The following CORO1B variants were observed in gnomAD, a reference collection of about 807,000 sequenced individuals.
CORO1B encodes the protein coronin 1B, also known as coronin-1B.
CORO1B carries 30 observed loss-of-function variants against 51.1 expected under a neutral mutation model. That is an observed-to-expected ratio of 0.59 (90% CI 0.44 to 0.80). The LOEUF (loss-of-function observed/expected upper bound fraction) is 0.80, where lower values mean the gene tolerates loss of function less well. CORO1B is among the 30% of genes least tolerant of loss of function. CORO1B has a pLI of 0.00. For missense variants in CORO1B, 648 were observed against 700.4 expected (o/e 0.93, Z 0.84); for synonymous variants, 310 against 289.7 (o/e 1.07, Z -0.71).
At position 67,442,541 on chromosome 11, in the gene CORO1B, G is replaced by T. The variant is rs547002578; in HGVS notation, c.88C>A (p.Arg30Ser). ...VKNDQCYEDI[R>S]VSRVTWDSTF... ...CTGTCCCAGGTAACACGGGACACGC[G>T]AATGTCCTCATAGCACTGGTCGTTC... Residue 30 changes from arginine to serine, a missense_variant, in exon 2 of 11, where the codon CGC becomes AGC. Arg to Ser is a moderately radical substitution (Grantham distance 110). Coordinates refer to ENST00000341356, the MANE Select transcript of CORO1B (RefSeq NM_020441.3). The T allele has an allele frequency of 6.2e-6, 10 of 1,613,786 alleles. No individual in the cohort carries two copies. The highest frequency in any genetic ancestry group is 8.5e-6 in the Non-Finnish European group (10 of 1,180,014).
Position 67,435,961 on chromosome 11 carries a change from C to G in CORO1B, c.*2415G>C. The G allele has an allele frequency of 6.2e-7, 1 of 1,613,644 alleles. No homozygotes were observed. The highest frequency in any genetic ancestry group is 8.5e-7 in the Non-Finnish European group (1 of 1,179,900). On this transcript the variant is annotated 3_prime_UTR_variant, in exon 11 of 11. Coordinates refer to ENST00000341356, the MANE Select transcript of CORO1B (RefSeq NM_020441.3). ...GGCTGGACGCCTCTCCACATTGCTG[C>G]TCGCCTTCCCCAGGGTCAGCCTGCA...
Position 67,436,026 on chromosome 11 carries a change from C to T in CORO1B, c.*2350G>A. 3.7e-6 allele frequency: 6 copies of T among 1,613,724 alleles called. No homozygotes were observed. Among genetic ancestry groups the T allele is most frequent in the South Asian group, 2.2e-5 (2 of 91,084 alleles). ...ACGTGGTCATAGTCTGTGTCCTGCT[C>T]ATCCTCCTGTCGCTCAAGGTCATTG... On this transcript the variant is annotated 3_prime_UTR_variant, in exon 11 of 11. Transcript: ENST00000341356.
chr11:67,442,369 A>C, intron 2 of CORO1B, 59 bp downstream of exon 2: 1 of 1,549,048 alleles, frequency 6.5e-7, no homozygotes, highest in Non-Finnish European at 8.9e-7. Context: ...AGGTGTGCAG[A>C]AAGGCCCAGT....
intron 8 of CORO1B, 90 bp downstream of exon 8, chr11:67,440,028 G>C: frequency 2.0e-5 from 31 of 1,522,616 alleles, no homozygotes; most frequent in Non-Finnish European, 2.6e-5. Flanking sequence ...CCTCCCTGGC[G>C]CAAGGTTTCC....
chr11:67,435,856 TGGTCCTG>T lies in CORO1B; in HGVS notation c.*2513_*2519del, dbSNP rs775637846. 6.2e-7 allele frequency: 1 copy of T among 1,610,292 alleles called. No homozygotes were observed. Among genetic ancestry groups the T allele is most frequent in the Non-Finnish European group, 8.5e-7 (1 of 1,179,404 alleles). ...CCTCAGCACTGCCCCCTGCGCTCGC[TGGTCCTG>T]GGGAGCCGAGGACCAGGTCGCCCTC... is the stretch of plus-strand genomic sequence containing the variant. On this transcript the variant is annotated 3_prime_UTR_variant, in exon 11 of 11. Coordinates refer to ENST00000341356, the MANE Select transcript of CORO1B (RefSeq NM_020441.3).
intron 9 of CORO1B, among the ~76,000 whole-genome samples, chr11:67,439,409 G>T (rs1438707598): frequency 2.6e-5 from 4 of 152,228 alleles, no homozygotes; most frequent in African/African-American, 9.7e-5. Flanking sequence ...CAGACTCCTT[G>T]TTCCTCTCTC....
Position 67,437,769 on chromosome 11 carries a change from C to T in CORO1B, c.*607G>A. On this transcript the variant is annotated 3_prime_UTR_variant, in exon 11 of 11. Coordinates refer to ENST00000341356, the MANE Select transcript of CORO1B (RefSeq NM_020441.3). Reference sequence around the variant, plus strand: ...CACCTGCCCCTCCCTGCTGCAGGACCCCTGGTCCACACCAGACCCTCCCCA... The same window carrying T: ...CACCTGCCCCTCCCTGCTGCAGGACTCCTGGTCCACACCAGACCCTCCCCA... 1.3e-6 allele frequency: 1 copy of T among 790,488 alleles called. No individual in the cohort carries two copies. Among genetic ancestry groups the T allele is most frequent in the Non-Finnish European group, 1.8e-6 (1 of 568,774 alleles). 49.0% of individuals were successfully genotyped at this position (790,488 alleles called of 1,614,324 possible). A position where few individuals can be genotyped will look rare whatever the true frequency, so the allele number is the denominator to read the frequency against.
At chr11:67,441,084 G>A in intron 6 of CORO1B, 41 bp downstream of exon 6, 1 of 1,612,536 alleles carries the variant, frequency 6.2e-7, no homozygotes, top group East Asian at 2.2e-5. Flanking sequence ...CCCAGGGTGG[G>A]GCCCAAGTCT....
At position 67,438,692 on chromosome 11, in the gene CORO1B, G is replaced by T; in HGVS notation, c.1323C>A (p.Ser441Arg). The part of the protein sequence containing the change: ...STTTAADATP[S>R]GSLARAGEAG... ...ATACCCCGGCTCTGGCCAGGCTGCC[G>T]CTGGGGGTGGCATCAGCAGCAGTGG... Residue 441 changes from serine to arginine, a missense_variant, in exon 10 of 11, where the codon AGC becomes AGA. Physicochemically the swap from Ser to Arg is moderately radical, Grantham distance 110 (BLOSUM62 -1). Coordinates refer to ENST00000341356, the MANE Select transcript of CORO1B (RefSeq NM_020441.3). 1.3e-6 allele frequency: 2 copies of T among 1,544,682 alleles called. No homozygotes were observed. The highest frequency in any genetic ancestry group is 1.4e-5 in the African/African-American group (1 of 73,574).
At position 67,435,629 on chromosome 11, in the gene CORO1B, G is replaced by T; in HGVS notation, c.*2747C>A. 1 of 1,469,390 alleles carries T rather than the reference G, an allele frequency of 6.8e-7. No individual in the cohort carries two copies. The highest frequency in any genetic ancestry group is 9.0e-7 in the Non-Finnish European group (1 of 1,110,144). The allele number at this position is 1,469,390 out of a possible 1,614,324, so 91.0% of individuals were successfully genotyped here. A position where few individuals can be genotyped will look rare whatever the true frequency, so the allele number is the denominator to read the frequency against. The stretch of plus-strand genomic sequence containing the variant: ...AACTGGTAGGGGGTGACAGTCTGAG[G>T]CATGGTCATGTGGGCTGGGGGTCCA... On this transcript the variant is annotated 3_prime_UTR_variant, in exon 11 of 11. Coordinates refer to ENST00000341356, the MANE Select transcript of CORO1B (RefSeq NM_020441.3).
In CORO1B at chr11:67,435,983, T is replaced by G; in HGVS notation, c.*2393A>C. On this transcript the variant is annotated 3_prime_UTR_variant, in exon 11 of 11. Transcript: ENST00000341356. ...CTGCTCGCCTTCCCCAGGGTCAGCC[T>G]GCAGGCCACCATCCGCGACGTGGTC... 1 of 1,613,760 alleles carries G rather than the reference T, an allele frequency of 6.2e-7. No individual in the cohort carries two copies. The highest frequency in any genetic ancestry group is 8.5e-7 in the Non-Finnish European group (1 of 1,179,932).
At chr11:67,439,764 G>A in intron 9 of CORO1B, 22 bp downstream of exon 9, 4 of 1,574,922 alleles carry the variant, frequency 2.5e-6, no homozygotes, top group Non-Finnish European at 1.7e-6. Flanking sequence ...GGCCAAGTGA[G>A]CCGAGGGACG....
Position 67,441,307 on chromosome 11 carries a change from C to T in CORO1B, c.636+26G>A, listed in dbSNP as rs747922317. On this transcript the variant is annotated intron_variant, in intron 5 of 10. Coordinates refer to ENST00000341356, the MANE Select transcript of CORO1B (RefSeq NM_020441.3). ...TCAAGGTCCTGGGCCTATCCACAGC[C>T]ATCCTTGCCCTCCAGAGCCACGTAC... 6.2e-6 allele frequency: 10 copies of T among 1,613,122 alleles called. No individual in the cohort carries two copies. In the South Asian group the frequency reaches 7.7e-5, roughly 12 times the overall value.
chr11:67,440,521 C>T (rs1864374911), intron 6 of CORO1B, 82 bp from the exon 7 acceptor site: 5 of 1,278,204 alleles, frequency 3.9e-6, no homozygotes, highest in Non-Finnish European at 5.6e-6. Context: ...GCTGGCCTCA[C>T]TAAGGCCAGC....
Position 67,438,651 on chromosome 11 carries a change from C to T in CORO1B, c.1344+20G>A, listed in dbSNP as rs762234711. 6.6e-7 allele frequency: 1 copy of T among 1,522,078 alleles called. No homozygotes were observed. Among genetic ancestry groups the T allele is most frequent in the Non-Finnish European group, 8.8e-7 (1 of 1,134,896 alleles). The allele number at this position is 1,522,078 out of a possible 1,614,324, so 94.3% of individuals were successfully genotyped here. ...CCACACCTGGGGCTCCCAGCACCAC[C>T]CCTGCCTGCGCGTGCATACCCCGGC... On this transcript the variant is annotated intron_variant, in intron 10 of 10. Transcript: ENST00000341356.
At position 67,440,185 on chromosome 11, in the gene CORO1B, C is replaced by G. The variant is rs1435505824; in HGVS notation, c.940G>C (p.Glu314Gln). 1.2e-6 allele frequency: 2 copies of G among 1,613,882 alleles called. No individual in the cohort carries two copies. Among genetic ancestry groups the G allele is most frequent in the Admixed American group, 3.3e-5 (2 of 60,026 alleles). Reference protein sequence around the residue: ...IHFLNTFTSKEPQRGMGSMPK... With the variant: ...IHFLNTFTSKQPQRGMGSMPK... ...ATGCTGCCCATACCCCGCTGCGGCT[C>G]CTTGCTGGTGAACGTGTTCAGGAAG... Residue 314 changes from glutamate (E) to glutamine (Q), a missense_variant, in exon 8 of 11, where the codon GAG becomes CAG. Transcript: ENST00000341356.
chr11:67,442,315 A>G (rs2135148216), intron 2 of CORO1B, 113 bp downstream of exon 2: 2 of 1,301,162 alleles, frequency 1.5e-6, no homozygotes, highest in East Asian at 2.5e-5. Context: ...TCTGGGTTAT[A>G]ACACCTGCCC....
chr11:67,441,737 A>G lies in CORO1B; in HGVS notation c.450T>C (p.Ser150=), dbSNP rs1430376326. 4 of 1,609,720 alleles carry G rather than the reference A, an allele frequency of 2.5e-6. No homozygotes were observed. The highest frequency in any genetic ancestry group is 1.7e-4 in the Middle Eastern group (1 of 6,044). ...AAAACGGGGGGCGGTGCAGACCTGC[A>G]CTGAGCAGCACGTTTCGGGCCGTGG... is the stretch of plus-strand genomic sequence containing the variant. ...WHPTARNVLL[S]AGCDNVVLIW... Residue 150 remains serine (S), a synonymous_variant, in exon 4 of 11, where the codon AGT becomes AGC. Transcript: ENST00000341356.
chr11:67,435,819 C>T lies in CORO1B; in HGVS notation c.*2557G>A. 1 of 1,604,410 alleles carries T rather than the reference C, an allele frequency of 6.2e-7. No homozygotes were observed. The highest frequency in any genetic ancestry group is 1.1e-5 in the South Asian group (1 of 90,806). ...GCGCTGCCAGCAAAGGCGTGCAGGT[C>T]ACTCAGCAGGGCCTCAGCACTGCCC... On this transcript the variant is annotated 3_prime_UTR_variant, in exon 11 of 11. Transcript: ENST00000341356.
Sources: gnomAD v4.1 joint callset for allele counts (sites outside exome capture counted in the v4.1 genomes callset) on GRCh38, gnomAD v4.1.1 for gene constraint, MANE v1.5 for transcripts, NCBI Gene and HGNC (gene_info 2026-07-23, HGNC 2026-07-21) for gene names.